Variants in REV3L observed in about 807,000 individuals in gnomAD.
REV3L encodes REV3 like, DNA directed polymerase zeta catalytic subunit.
Under a neutral mutation model 299.4 loss-of-function variants are expected in REV3L, and 69 were observed. That is an observed-to-expected ratio of 0.23 (90% CI 0.19 to 0.28). The LOEUF (loss-of-function observed/expected upper bound fraction) is 0.28, where lower values mean the gene tolerates loss of function less well. REV3L is among the 10% of genes least tolerant of loss of function. The probability of loss-of-function intolerance (pLI) is 1.00; values close to 1 mark genes in which losing one functional copy is unlikely to be tolerated. For synonymous variants in REV3L, 1,238 were observed against 1,271.4 expected, an observed-to-expected ratio of 0.97 and a Z score of 0.56; for missense variants, 3,128 against 3,693.8, an observed-to-expected ratio of 0.85 and a Z score of 3.97.
At chr6:111,371,842 G>A (rs1218800982) in intron 13 of REV3L, among the ~76,000 whole-genome samples, 1 of 152,088 alleles carries the variant, frequency 6.6e-6, no homozygotes, top group Non-Finnish European at 1.5e-5. Flanking sequence ...GGGATTACAG[G>A]CGTGAGCCAC....
At chr6:111,407,974 T>C (rs998681638) in intron 3 of REV3L, among the ~76,000 whole-genome samples, 1 of 152,102 alleles carries the variant, frequency 6.6e-6, no homozygotes, top group Non-Finnish European at 1.5e-5. Flanking sequence ...AGAAGTTGGA[T>C]ACACAAAGTA....
intron 1 of REV3L, among the ~76,000 whole-genome samples, chr6:111,442,367 A>C (rs1788371089): frequency 1.3e-5 from 2 of 152,018 alleles, no homozygotes; most frequent in Admixed American, 1.3e-4. Flanking sequence ...TCTTTTTGAA[A>C]ACTTGAACTT....
At chr6:111,356,447 C>T (rs1778094290) in intron 18 of REV3L, among the ~76,000 whole-genome samples, 1 of 152,118 alleles carries the variant, frequency 6.6e-6, no homozygotes, top group Non-Finnish European at 1.5e-5. Flanking sequence ...TGAGGACCGA[C>T]TACCAAATGG....
intron 1 of REV3L, among the ~76,000 whole-genome samples, chr6:111,447,031 G>A (rs1035065001): frequency 2.0e-4 from 30 of 152,146 alleles, no homozygotes; most frequent in African/African-American, 7.0e-4. Context: ...ATTAGACTCA[G>A]ATGGTATTTC....
In REV3L at chr6:111,480,035, T is replaced by C. The variant is rs565121311; in HGVS notation, c.139+2715A>G. Among the ~76,000 whole-genome samples, 7 of 152,358 alleles carry C rather than the reference T, an allele frequency of 4.6e-5. No homozygotes were observed. The South Asian group carries it at 1.5e-3, about 32-fold the overall frequency. On this transcript the variant is annotated intron_variant, in intron 1 of 31. Transcript: ENST00000368802. ...GGGTATTAATCCAATCAGTTCAGAATTTGTAATATAATTTTGAAACGGCCA... is the reference window on the plus strand; with the variant it reads ...GGGTATTAATCCAATCAGTTCAGAACTTGTAATATAATTTTGAAACGGCCA...
At chr6:111,417,202 A>G (rs1784867544) in intron 1 of REV3L, among the ~76,000 whole-genome samples, 1 of 152,208 alleles carries the variant, frequency 6.6e-6, no homozygotes, top group South Asian at 2.1e-4. Flanking sequence ...TGACTTGCCA[A>G]CAGACAATCC....
Position 111,379,998 on chromosome 6 carries a change from G to C in REV3L, c.1438C>G (p.His480Asp), listed in dbSNP as rs768948691. The C allele has an allele frequency of 1.9e-6, 3 of 1,609,798 alleles. No homozygotes were observed. The East Asian group carries it at 6.7e-5, about 36-fold the overall frequency. Residue 480 changes from histidine (H) to aspartate (D), a missense_variant, in exon 11 of 32, where the codon CAT becomes GAT. This residue lies in a region of REV3L where 2,409 missense variants were observed against 2,611.8 expected (regional missense o/e 0.92). Transcript: ENST00000368802. ...SQRWDSNIEE[H>D]CAKKRSLCRN... is the part of the protein sequence containing the mutation. The stretch of plus-strand genomic sequence containing the variant: ...AAAAATTACCTCTTTTTGGCACAAT[G>C]TTCTTCAATATTGCTGTCCCATCTC...
Position 111,483,113 on chromosome 6 carries a change from G to A in REV3L, c.-225C>T, listed in dbSNP as rs1473397017. Reference sequence around the variant, plus strand: ...AAGGGGCCGCAGGAGAGAAGCCCTCGAGCTTTCGTCGGTGCTGGTGCTGCC... The same window carrying A: ...AAGGGGCCGCAGGAGAGAAGCCCTCAAGCTTTCGTCGGTGCTGGTGCTGCC... On this transcript the variant is annotated 5_prime_UTR_variant, in exon 1 of 32. Coordinates refer to ENST00000368802, the MANE Select transcript of REV3L (RefSeq NM_001372078.1). 1 of 516,414 alleles carries A rather than the reference G, an allele frequency of 1.9e-6. No homozygotes were observed. The highest frequency in any genetic ancestry group is 3.3e-6 in the Non-Finnish European group (1 of 306,426). The allele number at this position is 516,414 out of a possible 1,614,324, so 32.0% of individuals were successfully genotyped here.
rs1787789055 is a variant in REV3L at position 111,437,995 on chromosome 6, GGTAT to G, written c.140-21527_140-21524del. ...AGCCTCTCGAGTAGCTGGAACTACA[GGTAT>G]GTGACACCTGCCTAATTTTTTTTTT... On this transcript the variant is annotated intron_variant, in intron 1 of 31. Transcript: ENST00000368802. Among the ~76,000 whole-genome samples the G allele has an allele frequency of 4.0e-5, 6 of 151,192 alleles. No individual in the cohort carries two copies. The Admixed American group carries it at 4.0e-4, about 10-fold the overall frequency.
chr6:111,459,031 T>C (rs1246806512), intron 1 of REV3L, among the ~76,000 whole-genome samples: 5 of 152,030 alleles, frequency 3.3e-5, no homozygotes, highest in Non-Finnish European at 7.4e-5. Context: ...AACTTCAAAC[T>C]ACACTACAAA....
intron 27 of REV3L, among the ~76,000 whole-genome samples, chr6:111,314,725 C>T (rs17540159): frequency 1.4e-3 from 207 of 152,174 alleles, no homozygotes; most frequent in African/African-American, 4.7e-3. Flanking sequence ...CTGTTTTACA[C>T]CATTAAGTTT....
chr6:111,368,143 C>G (rs1286072258), intron 13 of REV3L, 115 bp from the exon 14 acceptor site: 12 of 815,068 alleles, frequency 1.5e-5, no homozygotes, highest in Admixed American at 2.9e-5. Context: ...CCATGTCTAT[C>G]TTCCCTGCCC....
intron 13 of REV3L, among the ~76,000 whole-genome samples, chr6:111,369,943 T>A (rs1779621262): frequency 6.6e-6 from 1 of 152,026 alleles, no homozygotes; most frequent in Admixed American, 6.6e-5. Context: ...TTCAAGTGAT[T>A]CTCCTGCCTC....
upstream of REV3L, chr6:111,483,430 G>A: frequency 2.3e-6 from 1 of 429,256 alleles, no homozygotes; most frequent in Middle Eastern, 6.1e-4. Context: ...GCGCGGGATC[G>A]ATGACTCGGC....
intron 3 of REV3L, among the ~76,000 whole-genome samples, chr6:111,410,674 T>G (rs1784152307): frequency 6.6e-6 from 1 of 152,226 alleles, no homozygotes; most frequent in African/African-American, 2.4e-5. Flanking sequence ...GAGCTGTGCT[T>G]CAGTGAAGTA....
At chr6:111,420,564 C>G (rs1009457778) in intron 1 of REV3L, among the ~76,000 whole-genome samples, 43 of 152,280 alleles carry the variant, frequency 2.8e-4, no homozygotes, top group African/African-American at 1.0e-3. Context: ...AGTTAGACAA[C>G]AAGTCCAAGA....
chr6:111,464,635 AAAC>A (rs1791204967), intron 1 of REV3L, among the ~76,000 whole-genome samples: 1 of 152,214 alleles, frequency 6.6e-6, no homozygotes, highest in African/African-American at 2.4e-5. Flanking sequence ...AAATGAATAG[AAAC>A]AACAATTTAA....
chr6:111,342,667 C>CAAA (rs35815203), intron 21 of REV3L, among the ~76,000 whole-genome samples: 2 of 122,888 alleles, frequency 1.6e-5, no homozygotes, highest in Non-Finnish European at 3.3e-5. Context: ...GACTCTGTCT[C>CAAA]AAAAAAAAAA....
chr6:111,458,706 C>T (rs1272435696), intron 1 of REV3L, among the ~76,000 whole-genome samples: 1 of 151,926 alleles, frequency 6.6e-6, no homozygotes, highest in East Asian at 1.9e-4. Context: ...CAAGAAAATA[C>T]CTAGGAATAC....
Sources: gnomAD v4.1 joint callset for allele counts (sites outside exome capture counted in the v4.1 genomes callset) on GRCh38, gnomAD v4.1.1 for gene constraint, gnomAD v4.1.1 regional missense constraint, MANE v1.5 for transcripts, NCBI Gene and HGNC (gene_info 2026-07-23, HGNC 2026-07-21) for gene names.